The following FOCAD variants were observed in gnomAD, a reference collection of about 807,000 sequenced individuals.
The protein encoded by FOCAD is KIAA1797.
In FOCAD, 198 loss-of-function variants were observed where a neutral mutation model predicts 225.6. The observed-to-expected ratio is 0.88, with a 90% CI of 0.78 to 0.99. The LOEUF (loss-of-function observed/expected upper bound fraction) is 0.99. FOCAD is among the 50% of genes least tolerant of loss of function. The pLI is 0.00. For synonymous variants in FOCAD, 897 were observed against 755.0 expected, an observed-to-expected ratio of 1.19 and a Z score of -3.08; for missense variants, 2,713 against 2,123.6, an observed-to-expected ratio of 1.28 and a Z score of -5.46.
At chr9:20,978,954 T>C (rs1436046615) in intron 37 of FOCAD, among the ~76,000 whole-genome samples, 1 of 152,116 alleles carries the variant, frequency 6.6e-6, no homozygotes, top group Non-Finnish European at 1.5e-5. Flanking sequence ...GTGGAGAGCA[T>C]GAAAGATCTC....
chr9:20,802,631 A>T (rs551740344), intron 11 of FOCAD, among the ~76,000 whole-genome samples: 4 of 152,160 alleles, frequency 2.6e-5, no homozygotes, highest in Non-Finnish European at 5.9e-5. Context: ...CTATTTTCCA[A>T]TATTGTCATA....
intron 11 of FOCAD, among the ~76,000 whole-genome samples, chr9:20,812,240 A>T (rs1480387099): frequency 2.0e-5 from 3 of 152,018 alleles, no homozygotes; most frequent in South Asian, 2.1e-4. Context: ...CATTCCACTG[A>T]TAACTTTTTC....
At chr9:20,928,983 T>G (rs1338813523) in intron 26 of FOCAD, 1 of 158,524 alleles carries the variant, frequency 6.3e-6, no homozygotes, top group Non-Finnish European at 1.4e-5. Context: ...CAAGCTCAGA[T>G]AGCTTCAGTT....
intron 28 of FOCAD, among the ~76,000 whole-genome samples, chr9:20,940,547 A>C (rs1438909317): frequency 6.6e-6 from 1 of 152,146 alleles, no homozygotes; most frequent in Non-Finnish European, 1.5e-5. Context: ...TGGCCTCCCA[A>C]AGTAATGGGA....
At chr9:20,849,648 G>C (rs1038779003) in intron 15 of FOCAD, among the ~76,000 whole-genome samples, 1 of 151,830 alleles carries the variant, frequency 6.6e-6, no homozygotes, top group Admixed American at 6.6e-5. Flanking sequence ...AATCATTAAC[G>C]TCATGGTTTA....
At chr9:20,858,736 A>G (rs1008873581) in intron 15 of FOCAD, among the ~76,000 whole-genome samples, 2 of 152,066 alleles carry the variant, frequency 1.3e-5, no homozygotes, top group African/African-American at 4.8e-5. Context: ...ATTGGTATCA[A>G]CTTTCCTCTT....
At chr9:20,752,112 T>C (rs1828611265) in intron 5 of FOCAD, among the ~76,000 whole-genome samples, 1 of 147,972 alleles carries the variant, frequency 6.8e-6, no homozygotes, top group Non-Finnish European at 1.5e-5. Context: ...GTAGGTTGCC[T>C]GTTCACTCTG....
At chr9:20,976,998 T>A (rs1840285583) in intron 36 of FOCAD, among the ~76,000 whole-genome samples, 1 of 152,216 alleles carries the variant, frequency 6.6e-6, no homozygotes, top group African/African-American at 2.4e-5. Flanking sequence ...AACATGTTTC[T>A]CACCAGCCTA....
chr9:20,790,931 G>C (rs950467780), intron 11 of FOCAD, among the ~76,000 whole-genome samples: 1 of 152,116 alleles, frequency 6.6e-6, no homozygotes, highest in Non-Finnish European at 1.5e-5. Flanking sequence ...TTCTGCAAGT[G>C]GATCTGTAAT....
At chr9:20,801,908 A>G (rs1821882081) in intron 11 of FOCAD, among the ~76,000 whole-genome samples, 1 of 152,138 alleles carries the variant, frequency 6.6e-6, no homozygotes, top group African/African-American at 2.4e-5. Flanking sequence ...CTCCTTTACC[A>G]GAAGTGTCGA....
At chr9:20,829,527 G>T (rs1825276731) in intron 15 of FOCAD, among the ~76,000 whole-genome samples, 1 of 150,706 alleles carries the variant, frequency 6.6e-6, no homozygotes. Flanking sequence ...TATTATTTTT[G>T]GCCACTTCTG....
chr9:20,819,474 A>C (rs1251219237), intron 11 of FOCAD, among the ~76,000 whole-genome samples: 1 of 152,090 alleles, frequency 6.6e-6, no homozygotes, highest in African/African-American at 2.4e-5. Context: ...TTGCGTTCTC[A>C]AAGTGCTGGG....
intron 18 of FOCAD, among the ~76,000 whole-genome samples, chr9:20,872,547 C>T (rs1829878690): frequency 1.4e-5 from 2 of 144,942 alleles, no homozygotes. Context: ...CCCTCCTCCT[C>T]TTCTGCATGC....
At chr9:20,760,027 A>G (rs774189802) in intron 6 of FOCAD, among the ~76,000 whole-genome samples, 2 of 152,174 alleles carry the variant, frequency 1.3e-5, no homozygotes, top group Non-Finnish European at 2.9e-5. Flanking sequence ...TACTACCATG[A>G]CGCTGGTTCA....
intron 28 of FOCAD, among the ~76,000 whole-genome samples, chr9:20,939,150 CA>C (rs565280892): frequency 0.23 from 16,995 of 72,364 alleles, 1,682 homozygotes; most frequent in Admixed American, 0.4. Flanking sequence ...ACTCTCTTCT[CA>C]AAAAAAAAAA....
chr9:20,687,434 G>T (rs949265302), intron 1 of FOCAD, among the ~76,000 whole-genome samples: 7 of 152,080 alleles, frequency 4.6e-5, no homozygotes, highest in Middle Eastern at 3.4e-3. Context: ...AGTTTTTTTG[G>T]TTGCCAGGGT....
chr9:20,947,557 T>C (rs921733301), intron 30 of FOCAD, among the ~76,000 whole-genome samples: 1 of 152,122 alleles, frequency 6.6e-6, no homozygotes, highest in Admixed American at 6.5e-5. Context: ...AGGGAAAGAT[T>C]CTGGAGATGG....
chr9:20,870,260 A>C (rs2131752578), intron 18 of FOCAD, among the ~76,000 whole-genome samples: 1 of 152,338 alleles, frequency 6.6e-6, no homozygotes, highest in East Asian at 1.9e-4. Context: ...GCTTTGATTT[A>C]AAGTGAATGT....
intron 35 of FOCAD, among the ~76,000 whole-genome samples, chr9:20,975,242 C>T (rs1403464242): frequency 1.3e-5 from 2 of 152,146 alleles, no homozygotes; most frequent in East Asian, 3.8e-4. Flanking sequence ...CTATTCTATT[C>T]CTGGTTGCAC....
Sources: allele counts gnomAD v4.1 joint callset (sites outside exome capture counted in the v4.1 genomes callset), GRCh38; gene constraint gnomAD v4.1.1; transcripts MANE v1.5; gene names NCBI Gene and HGNC (gene_info 2026-07-23, HGNC 2026-07-21).